STAU2: variants seen among roughly 807,000 people sequenced by gnomAD.
The protein encoded by STAU2 is staufen double-stranded RNA binding protein 2.
A neutral mutation model predicts 65.9 loss-of-function variants in STAU2; 20 were observed. The ratio of observed to expected loss-of-function variants is 0.30; its 90% CI spans 0.21 to 0.44. The LOEUF (loss-of-function observed/expected upper bound fraction) is 0.44. Among genes scored for constraint, STAU2 ranks in the 20% least tolerant of loss-of-function variants. The probability of loss-of-function intolerance (pLI) is 1.00; values close to 1 mark genes in which losing one functional copy is unlikely to be tolerated. For missense variants in STAU2, 558 were observed against 683.9 expected, an observed-to-expected ratio of 0.82 and a Z score of 2.05; for synonymous variants, 232 against 233.9, an observed-to-expected ratio of 0.99 and a Z score of 0.07.
upstream of STAU2, chr8:73,747,152 GC>G: frequency 4.3e-6 from 2 of 464,736 alleles, no homozygotes; most frequent in Non-Finnish European, 7.4e-6. Flanking sequence ...GGCGAGCTGG[GC>G]CCCTGGGCGA....
chr8:73,480,579 G>C (rs62508176), intron 13 of STAU2, among the ~76,000 whole-genome samples: 22,295 of 152,074 alleles, frequency 0.15, 2,107 homozygotes, highest in East Asian at 0.51. Flanking sequence ...CCCAAAAGTG[G>C]ACATGTCAAA....
At chr8:73,557,431 C>T (rs1395708354) in intron 12 of STAU2, among the ~76,000 whole-genome samples, 2 of 152,084 alleles carry the variant, frequency 1.3e-5, no homozygotes, top group African/African-American at 2.4e-5. Context: ...AAATTTAAGT[C>T]GCTTTTCAAT....
rs761430271 is a variant in STAU2 at position 73,686,889 on chromosome 8, CT to C, written c.274+1764del. ...GTTTGCGGAATTTGTGATGGGGTTT[CT>C]TTCTTTTTTTTTTTTCTTTTGAGAC... is the stretch of plus-strand genomic sequence containing the variant. On this transcript the variant is annotated intron_variant, in intron 5 of 14. Transcript: ENST00000524300. Among the ~76,000 whole-genome samples the C allele has an allele frequency of 4.5e-4, 60 of 134,804 alleles. No individual in the cohort carries two copies. The Middle Eastern group carries it at 0.011, about 25-fold the overall frequency. 88.4% of individuals were successfully genotyped at this position (134,804 alleles called of 152,430 possible).
At chr8:73,556,540 G>A (rs540048144) in intron 12 of STAU2, among the ~76,000 whole-genome samples, 40 of 152,194 alleles carry the variant, frequency 2.6e-4, no homozygotes, top group African/African-American at 9.4e-4. Flanking sequence ...GGCAAATCAC[G>A]AGGTCAGGAG....
At chr8:73,440,531 T>C (rs1818055873) in intron 13 of STAU2, 1 of 152,218 alleles carries the variant, frequency 6.6e-6, no homozygotes, top group Non-Finnish European at 1.5e-5. Flanking sequence ...GCAAATTCTG[T>C]TGGTTCTTTT....
chr8:73,489,152 A>C (rs1821052661), intron 13 of STAU2, among the ~76,000 whole-genome samples: 1 of 151,992 alleles, frequency 6.6e-6, no homozygotes, highest in Admixed American at 6.6e-5. Flanking sequence ...TCTACAAAGC[A>C]AACAAAATGG....
At chr8:73,511,700 G>C (rs1295141671) in intron 13 of STAU2, 1 of 152,322 alleles carries the variant, frequency 6.6e-6, no homozygotes, top group Non-Finnish European at 1.5e-5. Context: ...CCACCATGAG[G>C]TGGCTCTCAA....
intron 13 of STAU2, among the ~76,000 whole-genome samples, chr8:73,485,661 A>G (rs1820875737): frequency 6.6e-6 from 1 of 151,902 alleles, no homozygotes; most frequent in Non-Finnish European, 1.5e-5. Flanking sequence ...ACAGAGCAAG[A>G]CCCTCACCTA....
intron 13 of STAU2, among the ~76,000 whole-genome samples, chr8:73,466,599 T>C (rs1258762020): frequency 6.6e-6 from 1 of 152,220 alleles, no homozygotes; most frequent in East Asian, 1.9e-4. Flanking sequence ...CTTAAAGGCC[T>C]GTTTCAAAGG....
chr8:73,486,261 A>G (rs1466913806), intron 13 of STAU2, among the ~76,000 whole-genome samples: 1 of 152,114 alleles, frequency 6.6e-6, no homozygotes, highest in African/African-American at 2.4e-5. Context: ...AAGTAAATGA[A>G]CAAGTAACTA....
intron 12 of STAU2, among the ~76,000 whole-genome samples, chr8:73,556,515 T>C (rs1585997581): frequency 6.6e-6 from 1 of 152,202 alleles, no homozygotes; most frequent in South Asian, 2.1e-4. Flanking sequence ...CCCAGCACTT[T>C]GGGAGGCCGA....
At chr8:73,686,548 C>CTAAAA (rs1818839334) in intron 5 of STAU2, among the ~76,000 whole-genome samples, 1 of 97,868 alleles carries the variant, frequency 1.0e-5, no homozygotes. Flanking sequence ...GACTCCCCCT[C>CTAAAA]AAAAAAAAAA....
At chr8:73,544,508 T>C (rs1806766846) in intron 13 of STAU2, among the ~76,000 whole-genome samples, 1 of 152,236 alleles carries the variant, frequency 6.6e-6, no homozygotes, top group Non-Finnish European at 1.5e-5. Flanking sequence ...ACTTCCACTT[T>C]AAATTATTTT....
At chr8:73,714,060 C>T (rs1317624169) in intron 3 of STAU2, among the ~76,000 whole-genome samples, 7 of 152,122 alleles carry the variant, frequency 4.6e-5, no homozygotes, top group African/African-American at 7.2e-5. Context: ...TGCACCACCA[C>T]GCCCAGCTAA....
chr8:73,465,013 G>C (rs890670088), intron 13 of STAU2, among the ~76,000 whole-genome samples: 5 of 152,220 alleles, frequency 3.3e-5, no homozygotes, highest in Non-Finnish European at 5.9e-5. Context: ...AAACTTATAA[G>C]AATAAACAGC....
intron 3 of STAU2, among the ~76,000 whole-genome samples, chr8:73,726,394 A>T (rs941511356): frequency 6.6e-6 from 1 of 152,234 alleles, no homozygotes; most frequent in Non-Finnish European, 1.5e-5. Flanking sequence ...TTATTCATGT[A>T]ACCAAACACC....
At chr8:73,724,860 G>C (rs1293649382) in intron 3 of STAU2, among the ~76,000 whole-genome samples, 1 of 151,878 alleles carries the variant, frequency 6.6e-6, no homozygotes, top group Non-Finnish European at 1.5e-5. Context: ...GCTAATTTTT[G>C]TATTTTTTGT....
At chr8:73,496,412 A>T (rs1016721327) in intron 13 of STAU2, among the ~76,000 whole-genome samples, 8 of 151,662 alleles carry the variant, frequency 5.3e-5, no homozygotes, top group Non-Finnish European at 8.9e-5. Context: ...TAACTGCCAC[A>T]ACTGAAGGAA....
chr8:73,503,558 A>G (rs917383764), intron 13 of STAU2, among the ~76,000 whole-genome samples: 2 of 129,684 alleles, frequency 1.5e-5, no homozygotes, highest in Non-Finnish European at 3.5e-5. Context: ...AAAATCCAAC[A>G]GCACTTTTTT....
Sources: allele counts gnomAD v4.1 joint callset (sites outside exome capture counted in the v4.1 genomes callset), GRCh38; gene constraint gnomAD v4.1.1; transcripts MANE v1.5; gene names NCBI Gene and HGNC (gene_info 2026-07-23, HGNC 2026-07-21).